Variants in RBFOX1 observed in about 807,000 individuals in gnomAD.
RBFOX1 encodes the protein RNA binding protein fox-1 homolog 1.
Under a neutral mutation model 57.7 loss-of-function variants are expected in RBFOX1, and 8 were observed. That is an observed-to-expected ratio of 0.14 (90% confidence interval 0.08 to 0.25). The LOEUF (loss-of-function observed/expected upper bound fraction) is 0.25, where lower values mean the gene tolerates loss of function less well. Ranked by LOEUF, RBFOX1 falls within the 10% of genes least tolerant of loss-of-function variation. The pLI is 1.00. For synonymous variants in RBFOX1, 326 were observed against 222.4 expected, an observed-to-expected ratio of 1.47 and a Z score of -4.15; for missense variants, 611 against 548.5, an observed-to-expected ratio of 1.11 and a Z score of -1.14.
rs114932362 is a variant in RBFOX1 at position 6,845,235 on chromosome 16, G to A, written c.-16+190585G>A. Among the ~76,000 whole-genome samples the A allele has an allele frequency of 8.2e-3, 1,235 of 150,780 alleles. 15 individuals are homozygous for A. The highest frequency in any genetic ancestry group is 0.027 in the African/African-American group (1,126 of 41,208). On this transcript the variant is annotated intron_variant, in intron 3 of 15. Coordinates refer to ENST00000550418, the MANE Select transcript of RBFOX1 (RefSeq NM_018723.4). ...TGCAGCAATTGCTTTTGGCATTTTC[G>A]TTATGAATCCTTGCCCGTACCTGTG...
intron 4 of RBFOX1, among the ~76,000 whole-genome samples, chr16:7,053,099 C>T (rs780087416): frequency 3.9e-5 from 6 of 152,140 alleles, no homozygotes; most frequent in African/African-American, 1.4e-4. Context: ...GAGCATTTAC[C>T]TAATGATAGT....
chr16:6,861,693 C>A (rs1223175348), intron 3 of RBFOX1, among the ~76,000 whole-genome samples: 1 of 151,912 alleles, frequency 6.6e-6, no homozygotes, highest in Non-Finnish European at 1.5e-5. Flanking sequence ...ATAATGAGGT[C>A]AAATTCGTTT....
At chr16:7,047,527 T>G (rs568617525) in intron 3 of RBFOX1, among the ~76,000 whole-genome samples, 1 of 152,124 alleles carries the variant, frequency 6.6e-6, no homozygotes, top group South Asian at 2.1e-4. Flanking sequence ...TATATGTGGT[T>G]GTGGATTTCG....
At chr16:6,877,447 G>C (rs1263325131) in intron 3 of RBFOX1, among the ~76,000 whole-genome samples, 1 of 152,028 alleles carries the variant, frequency 6.6e-6, no homozygotes, top group Non-Finnish European at 1.5e-5. Flanking sequence ...AACCAGAGTA[G>C]TGGGGAAGCT....
chr16:7,267,202 C>A lies in RBFOX1; in HGVS notation c.27+215104C>A, dbSNP rs181323756. ...TTGCTTGAGGTCAGGTGTTTGAGACCAGCCTGGCCAACATGGCAAAACCCT... is the reference window on the plus strand; with the variant it reads ...TTGCTTGAGGTCAGGTGTTTGAGACAAGCCTGGCCAACATGGCAAAACCCT... On this transcript the variant is annotated intron_variant, in intron 4 of 15. Transcript: ENST00000550418. Among the ~76,000 whole-genome samples, 624 of 152,200 alleles carry A rather than the reference C, an allele frequency of 4.1e-3. 3 individuals carry two copies. The highest frequency in any genetic ancestry group is 0.014 in the African/African-American group (598 of 41,546).
At chr16:6,846,396 C>A (rs998603715) in intron 3 of RBFOX1, among the ~76,000 whole-genome samples, 3 of 152,140 alleles carry the variant, frequency 2.0e-5, no homozygotes, top group African/African-American at 7.2e-5. Context: ...GAAAAGCAGG[C>A]CTTTTCCAGT....
intron 3 of RBFOX1, among the ~76,000 whole-genome samples, chr16:6,887,139 T>C (rs1195512113): frequency 6.6e-6 from 1 of 152,230 alleles, no homozygotes; most frequent in African/African-American, 2.4e-5. Flanking sequence ...ACATTGTTAT[T>C]GTTGACTCTG....
intron 1 of RBFOX1, among the ~76,000 whole-genome samples, chr16:6,205,019 C>G (rs1268293545): frequency 6.6e-6 from 1 of 152,124 alleles, no homozygotes; most frequent in African/African-American, 2.4e-5. Context: ...TACCATAAAC[C>G]GATTGACTGA....
intron 4 of RBFOX1, among the ~76,000 whole-genome samples, chr16:7,142,609 A>G (rs976201375): frequency 4.0e-5 from 6 of 151,866 alleles, no homozygotes; most frequent in Non-Finnish European, 8.8e-5. Flanking sequence ...TCCCTTATCT[A>G]CTCATCTTCT....
intron 4 of RBFOX1, among the ~76,000 whole-genome samples, chr16:7,406,591 G>A (rs188916123): frequency 1.6e-4 from 25 of 152,270 alleles, no homozygotes; most frequent in Admixed American, 1.1e-3. Context: ...CAAACTTTCC[G>A]GAATCCAGTG....
intron 3 of RBFOX1, among the ~76,000 whole-genome samples, chr16:5,853,314 T>C (rs1290969478): frequency 6.6e-6 from 1 of 152,036 alleles, no homozygotes; most frequent in Non-Finnish European, 1.5e-5. Context: ...TTATGGAAAG[T>C]CAGAAGAGAT....
chr16:6,555,593 A>G (rs2080278), intron 2 of RBFOX1, among the ~76,000 whole-genome samples: 55,916 of 151,822 alleles, frequency 0.37, 11,859 homozygotes, highest in East Asian at 0.73. Context: ...CCAGCTACTC[A>G]GGAGGCTGAG....
chr16:6,765,717 A>G (rs571458359), intron 3 of RBFOX1, among the ~76,000 whole-genome samples: 21 of 152,314 alleles, frequency 1.4e-4, no homozygotes, highest in African/African-American at 4.1e-4. Context: ...CACAATTGCA[A>G]AGATACAGAA....
rs564783333 is a variant in RBFOX1 at position 7,572,513 on chromosome 16, C to A, written c.271-7264C>A. 5.9e-5 allele frequency among the ~76,000 whole-genome samples: 9 copies of A among 152,252 alleles called. No homozygotes were observed. The East Asian group carries it at 1.4e-3, about 23-fold the overall frequency. On this transcript the variant is annotated intron_variant, in intron 5 of 15. Coordinates refer to ENST00000550418, the MANE Select transcript of RBFOX1 (RefSeq NM_018723.4). Reference sequence around the variant, plus strand: ...GGTGGAGGCCAGTGATGCTGTTGAACATTCTGCAGTGCACAGGATGATCCA... The same window carrying A: ...GGTGGAGGCCAGTGATGCTGTTGAAAATTCTGCAGTGCACAGGATGATCCA...
chr16:5,676,471 C>A (rs750489625), intron 3 of RBFOX1, among the ~76,000 whole-genome samples: 1 of 152,170 alleles, frequency 6.6e-6, no homozygotes, highest in South Asian at 2.1e-4. Flanking sequence ...TGACCTTGAG[C>A]AAGTCACTCA....
At chr16:7,266,361 G>C (rs1036298444) in intron 4 of RBFOX1, among the ~76,000 whole-genome samples, 1 of 152,148 alleles carries the variant, frequency 6.6e-6, no homozygotes. Flanking sequence ...TGATGCTTCT[G>C]CTCTTTCCTC....
intron 3 of RBFOX1, among the ~76,000 whole-genome samples, chr16:5,828,179 C>G (rs1387641549): frequency 6.6e-6 from 1 of 152,016 alleles, no homozygotes; most frequent in Non-Finnish European, 1.5e-5. Flanking sequence ...TCCAATCCAT[C>G]CTTCCATGTA....
chr16:5,878,315 T>C (rs919369647), intron 4 of RBFOX1, among the ~76,000 whole-genome samples: 1 of 152,190 alleles, frequency 6.6e-6, no homozygotes, highest in Non-Finnish European at 1.5e-5. Context: ...CACTGAGCAA[T>C]GTATTGTATA....
intron 1 of RBFOX1, among the ~76,000 whole-genome samples, chr16:6,044,091 T>C (rs2095470712): frequency 6.6e-6 from 1 of 152,238 alleles, no homozygotes; most frequent in Non-Finnish European, 1.5e-5. Flanking sequence ...AATTTGAGTA[T>C]GCCATCTGTT....
Sources: gnomAD v4.1 joint callset for allele counts (sites outside exome capture counted in the v4.1 genomes callset) on GRCh38, gnomAD v4.1.1 for gene constraint, MANE v1.5 for transcripts, NCBI Gene and HGNC (gene_info 2026-07-23, HGNC 2026-07-21) for gene names.